Variants in SLC10A7 observed in about 807,000 individuals in gnomAD.
SLC10A7 encodes solute carrier family 10 member 7, also known as sodium/bile acid cotransporter 7.
Under a neutral mutation model 43.2 loss-of-function variants are expected in SLC10A7, and 29 were observed. The ratio of observed to expected loss-of-function variants is 0.67; its 90% CI spans 0.50 to 0.92. The LOEUF is 0.92. SLC10A7 is among the 40% of genes least tolerant of loss of function. The probability of loss-of-function intolerance (pLI) is 0.00; values close to 1 mark genes in which losing one functional copy is unlikely to be tolerated. For missense variants in SLC10A7, 295 were observed against 403.2 expected, an observed-to-expected ratio of 0.73 and a Z score of 2.30; for synonymous variants, 152 against 144.8, an observed-to-expected ratio of 1.05 and a Z score of -0.35.
intron 5 of SLC10A7, among the ~76,000 whole-genome samples, chr4:146,394,659 G>A (rs1447110504): frequency 1.3e-5 from 2 of 152,076 alleles, no homozygotes; most frequent in Non-Finnish European, 2.9e-5. Flanking sequence ...ACCGTGCCCA[G>A]CCCCACACTT....
intron 4 of SLC10A7, among the ~76,000 whole-genome samples, chr4:146,494,094 T>C (rs886610878): frequency 5.3e-5 from 8 of 152,240 alleles, no homozygotes; most frequent in African/African-American, 1.9e-4. Context: ...TGCTGATGCT[T>C]ACTTGATGTG....
chr4:146,279,198 G>A (rs1270130775), intron 10 of SLC10A7, among the ~76,000 whole-genome samples: 1 of 152,130 alleles, frequency 6.6e-6, no homozygotes, highest in East Asian at 1.9e-4. Context: ...CTTTCAGTTT[G>A]CTATTTAAAA....
chr4:146,399,820 G>A (rs1739099878), intron 5 of SLC10A7, among the ~76,000 whole-genome samples: 1 of 152,056 alleles, frequency 6.6e-6, no homozygotes, highest in Non-Finnish European at 1.5e-5. Flanking sequence ...CAGTAAGCTT[G>A]AAATACTTTT....
chr4:146,388,629 C>T (rs375260985), intron 5 of SLC10A7, among the ~76,000 whole-genome samples: 5 of 151,716 alleles, frequency 3.3e-5, no homozygotes, highest in South Asian at 2.1e-4. Context: ...CGTGGTGGTG[C>T]GCGCCTGTAG....
intron 5 of SLC10A7, among the ~76,000 whole-genome samples, chr4:146,387,914 G>A (rs2149799291): frequency 6.6e-6 from 1 of 152,198 alleles, no homozygotes; most frequent in East Asian, 1.9e-4. Flanking sequence ...ACTGATGAAA[G>A]AAACCAGAGA....
intron 10 of SLC10A7, among the ~76,000 whole-genome samples, chr4:146,260,880 A>G (rs1332156917): frequency 1.3e-5 from 2 of 151,972 alleles, no homozygotes; most frequent in Non-Finnish European, 2.9e-5. Context: ...TATGGTGTCA[A>G]ACTCCCGTGC....
At chr4:146,278,858 G>C (rs865940383) in intron 10 of SLC10A7, among the ~76,000 whole-genome samples, 27 of 152,252 alleles carry the variant, frequency 1.8e-4, no homozygotes, top group Middle Eastern at 3.4e-3. Flanking sequence ...ACTAGAATCA[G>C]GGATGTGCTC....
At chr4:146,360,970 G>T (rs1031967582) in intron 5 of SLC10A7, among the ~76,000 whole-genome samples, 18 of 152,150 alleles carry the variant, frequency 1.2e-4, no homozygotes, top group African/African-American at 4.3e-4. Flanking sequence ...TGTGCATGCT[G>T]TTCCCTCTAC....
chr4:146,360,930 T>C (rs1202517550), intron 5 of SLC10A7, among the ~76,000 whole-genome samples: 1 of 152,112 alleles, frequency 6.6e-6, no homozygotes, highest in Non-Finnish European at 1.5e-5. Context: ...ACCTATAAGT[T>C]CAATGAACTT....
chr4:146,306,692 C>G (rs1352604989), intron 6 of SLC10A7, among the ~76,000 whole-genome samples: 1 of 152,074 alleles, frequency 6.6e-6, no homozygotes, highest in Non-Finnish European at 1.5e-5. Context: ...CACAAGAGTG[C>G]TTATCTACAC....
chr4:146,512,888 A>C (rs1387610186), intron 2 of SLC10A7, among the ~76,000 whole-genome samples: 2 of 152,258 alleles, frequency 1.3e-5, no homozygotes, highest in African/African-American at 4.8e-5. Context: ...AAAATACATC[A>C]TGACACATCC....
intron 5 of SLC10A7, among the ~76,000 whole-genome samples, chr4:146,374,661 C>CACAT (rs1553963528): frequency 0.01 from 1,016 of 100,596 alleles, 10 homozygotes; most frequent in East Asian, 0.03. Flanking sequence ...CACACACACA[C>CACAT]ATATATATAT....
rs1352004609 is a variant in SLC10A7 at position 146,270,605 on chromosome 4, G to T, written c.848-11768C>A. Among the ~76,000 whole-genome samples the T allele has an allele frequency of 3.3e-5, 5 of 152,156 alleles. No homozygotes were observed. In the South Asian group the frequency reaches 1.0e-3, roughly 32 times the overall value. Reference sequence around the variant, plus strand: ...GCAGGGTCCTGACATCACTAGTACGGCACAGCTCCCAGGTGATTCTAATGT... The same window carrying T: ...GCAGGGTCCTGACATCACTAGTACGTCACAGCTCCCAGGTGATTCTAATGT... On this transcript the variant is annotated intron_variant, in intron 10 of 11. Coordinates refer to ENST00000335472, the MANE Select transcript of SLC10A7 (RefSeq NM_001029998.6).
chr4:146,361,181 G>A (rs1263446613), intron 5 of SLC10A7, among the ~76,000 whole-genome samples: 3 of 152,004 alleles, frequency 2.0e-5, no homozygotes, highest in Admixed American at 6.6e-5. Flanking sequence ...GAGGAAGCAG[G>A]GCAATCTATC....
intron 5 of SLC10A7, among the ~76,000 whole-genome samples, chr4:146,327,496 A>G (rs979758733): frequency 2.6e-5 from 4 of 152,196 alleles, no homozygotes; most frequent in Non-Finnish European, 5.9e-5. Context: ...CTTTAGGAGG[A>G]ATTCCAAATT....
At chr4:146,262,556 A>T (rs1411128722) in intron 10 of SLC10A7, among the ~76,000 whole-genome samples, 1 of 151,854 alleles carries the variant, frequency 6.6e-6, no homozygotes, top group African/African-American at 2.4e-5. Flanking sequence ...GTAACGCACC[A>T]CTCTTTTGTC....
At chr4:146,511,444 G>T (rs1032529519) in intron 2 of SLC10A7, among the ~76,000 whole-genome samples, 5 of 152,288 alleles carry the variant, frequency 3.3e-5, no homozygotes, top group African/African-American at 1.2e-4. Flanking sequence ...TGGCCCCTTT[G>T]TTCAGGTAAG....
chr4:146,451,558 G>T (rs1440593251), intron 4 of SLC10A7, among the ~76,000 whole-genome samples: 1 of 152,108 alleles, frequency 6.6e-6, no homozygotes, highest in Admixed American at 6.6e-5. Flanking sequence ...TCCTAGGGAT[G>T]CAAGGATGGT....
At chr4:146,469,319 G>A (rs773013727) in intron 4 of SLC10A7, among the ~76,000 whole-genome samples, 16 of 152,246 alleles carry the variant, frequency 1.1e-4, no homozygotes, top group Non-Finnish European at 2.2e-4. Context: ...TGGTGTCAGA[G>A]AGATTGGAAA....
Sources: allele counts gnomAD v4.1 joint callset (sites outside exome capture counted in the v4.1 genomes callset), GRCh38; gene constraint gnomAD v4.1.1; transcripts MANE v1.5; gene names NCBI Gene and HGNC (gene_info 2026-07-23, HGNC 2026-07-21).